GREB1: variants seen among roughly 807,000 people sequenced by gnomAD.
GREB1 encodes protein GREB1.
GREB1 carries 106 observed loss-of-function variants against 200.7 expected under a neutral mutation model. The ratio of observed to expected loss-of-function variants is 0.53; its 90% CI spans 0.45 to 0.62. The LOEUF (loss-of-function observed/expected upper bound fraction) is 0.62. Ranked by LOEUF, GREB1 falls within the 20% of genes least tolerant of loss-of-function variation. The pLI is 0.00. For missense variants in GREB1, 2,243 were observed against 2,556.8 expected, an observed-to-expected ratio of 0.88 and a Z score of 2.65; for synonymous variants, 1,132 against 1,092.4, an observed-to-expected ratio of 1.04 and a Z score of -0.72.
chr2:11,570,727 G>T (rs898732737), intron 4 of GREB1, among the ~76,000 whole-genome samples: 2 of 152,096 alleles, frequency 1.3e-5, no homozygotes, highest in African/African-American at 4.8e-5. Context: ...GTTTTAGGAA[G>T]ATCTCTTAGA....
chr2:11,494,249 C>T (rs1452013604), intron 1 of GREB1, among the ~76,000 whole-genome samples: 3 of 152,212 alleles, frequency 2.0e-5, no homozygotes, highest in Non-Finnish European at 2.9e-5. Context: ...ACACTGAAGC[C>T]GTCTTCCCTG....
chr2:11,611,919 C>T (rs1303915157), intron 18 of GREB1, among the ~76,000 whole-genome samples: 1 of 152,100 alleles, frequency 6.6e-6, no homozygotes, highest in Non-Finnish European at 1.5e-5. Context: ...GCTGGTTGGG[C>T]GCGGTGGCTT....
intron 1 of GREB1, among the ~76,000 whole-genome samples, chr2:11,537,754 A>G (rs937948790): frequency 6.8e-6 from 1 of 147,894 alleles, no homozygotes; most frequent in Admixed American, 6.8e-5. Context: ...TATAAATTTT[A>G]TATATTTATA....
At position 11,493,567 on chromosome 2, in the gene GREB1, G is replaced by A. The variant is rs1050481904; in HGVS notation, c.-159+11186G>A. ...TGTGGCCTGCTTCCTAACAGGCCATGGACCAGTACCAGTCTGTGGCCCGGG... is the reference window on the plus strand; with the variant it reads ...TGTGGCCTGCTTCCTAACAGGCCATAGACCAGTACCAGTCTGTGGCCCGGG... On this transcript the variant is annotated intron_variant, in intron 1 of 2. Coordinates refer to the GREB1 transcript ENST00000628795. The surrounding 1 kb of genome is among the most constrained non-coding windows in gnomAD (Gnocchi z 4.6). Among the ~76,000 whole-genome samples, 4 of 152,174 alleles carry A rather than the reference G, an allele frequency of 2.6e-5. No individual in the cohort carries two copies. Among genetic ancestry groups the A allele is most frequent in the Admixed American group, 1.3e-4 (2 of 15,286 alleles).
chr2:11,511,437 G>C (rs1411008686), intron 1 of GREB1, among the ~76,000 whole-genome samples: 1 of 152,160 alleles, frequency 6.6e-6, no homozygotes, highest in Non-Finnish European at 1.5e-5. Flanking sequence ...ATTCTAGGTG[G>C]GGTAAACTTT....
Position 11,576,404 on chromosome 2 carries a change from C to T in GREB1, c.506C>T (p.Thr169Met), listed in dbSNP as rs201192213. 3.3e-5 allele frequency: 54 copies of T among 1,613,782 alleles called. No homozygotes were observed. The highest frequency in any genetic ancestry group is 2.2e-5 in the East Asian group (1 of 44,894). Residue 169 changes from threonine (T) to methionine (M), a missense_variant, in exon 5 of 33, where the codon ACG (threonine) becomes ATG (methionine). Coordinates refer to ENST00000381486, the MANE Select transcript of GREB1 (RefSeq NM_014668.4). Reference sequence around the variant, plus strand: ...GGAAAGAAAGGCTTCTGTTACTTCACGGAATTCTCCAATCATATAAATCTG... The same window carrying T: ...GGAAAGAAAGGCTTCTGTTACTTCATGGAATTCTCCAATCATATAAATCTG... ...GCGKKGFCYF[T>M]EFSNHINLKL...
At position 11,599,636 on chromosome 2, in the gene GREB1, T is replaced by C. The variant is rs565528856; in HGVS notation, c.2333+776T>C. On this transcript the variant is annotated intron_variant, in intron 15 of 32. Coordinates refer to ENST00000381486, the MANE Select transcript of GREB1 (RefSeq NM_014668.4). ...CCCGGGTTCACACCATTCTCCTGCC[T>C]CAGCCTCCTGAGTAGCTGGGACTAC... Among the ~76,000 whole-genome samples, 9 of 151,118 alleles carry C rather than the reference T, an allele frequency of 6.0e-5. No homozygotes were observed. In the East Asian group the frequency reaches 1.8e-3, roughly 30 times the overall value.
intron 1 of GREB1, among the ~76,000 whole-genome samples, chr2:11,508,668 A>T (rs1441439184): frequency 6.6e-6 from 1 of 152,184 alleles, no homozygotes; most frequent in Non-Finnish European, 1.5e-5. Context: ...TAAAACAAAC[A>T]TCCTTTTAAA....
At chr2:11,499,628 C>A (rs186001452) in intron 1 of GREB1, among the ~76,000 whole-genome samples, 1 of 152,218 alleles carries the variant, frequency 6.6e-6, no homozygotes, top group Non-Finnish European at 1.5e-5. Flanking sequence ...AAATCACTTT[C>A]TTTACATCTC....
chr2:11,576,453 G>A lies in GREB1; in HGVS notation c.555G>A (p.Lys185=). The A allele has an allele frequency of 6.2e-7, 1 of 1,614,012 alleles. No homozygotes were observed. Among genetic ancestry groups the A allele is most frequent in the African/African-American group, 1.3e-5 (1 of 75,060 alleles). ...INLKLTTQPK[K]QKHLKYYLVR... The stretch of plus-strand genomic sequence containing the variant: ...TGAAACTGACCACTCAACCCAAGAA[G>A]CAGAAACACTTGAAGTATTACCTGG... The change falls in exon 5 of 33, where the codon AAG becomes AAA. Residue 185 remains lysine (K), a synonymous_variant. Coordinates refer to ENST00000381486, the MANE Select transcript of GREB1 (RefSeq NM_014668.4).
chr2:11,593,886 G>A (rs923231499), intron 11 of GREB1, among the ~76,000 whole-genome samples: 2 of 152,198 alleles, frequency 1.3e-5, no homozygotes, highest in African/African-American at 4.8e-5. Context: ...TCTTTTAGGT[G>A]GGGGAGGCAG....
Position 11,633,526 on chromosome 2 carries a change from T to C in GREB1, c.4991+463T>C, listed in dbSNP as rs942221440. Among the ~76,000 whole-genome samples, 4 of 148,684 alleles carry C rather than the reference T, an allele frequency of 2.7e-5. No individual in the cohort carries two copies. The highest frequency in any genetic ancestry group is 6.7e-5 in the Admixed American group (1 of 14,838). ...TTGTAGTAAGTGGAGATGGCGCCAC[T>C]GCACTCCAGCCTGGCAGACAGAGCG... On this transcript the variant is annotated intron_variant, in intron 28 of 32. Transcript: ENST00000381486. The surrounding 1 kb of genome is among the most constrained non-coding windows in gnomAD (Gnocchi z 4.1).
chr2:11,488,526 C>A (rs186770500), intron 1 of GREB1, among the ~76,000 whole-genome samples: 1 of 152,134 alleles, frequency 6.6e-6, no homozygotes, highest in East Asian at 1.9e-4. Context: ...TGCAGTGGCT[C>A]ATGCCTGTAA....
chr2:11,531,658 CATCTCGGGTTCA>C (rs1674079296), upstream of GREB1, among the ~76,000 whole-genome samples: 1 of 152,136 alleles, frequency 6.6e-6, no homozygotes, highest in Non-Finnish European at 1.5e-5. Context: ...GCAACCTTGG[CATCTCGGGTTCA>C]AGCGATTCTC....
intron 23 of GREB1, among the ~76,000 whole-genome samples, chr2:11,624,405 C>A (rs891603412): frequency 2.8e-5 from 4 of 140,502 alleles, no homozygotes; most frequent in Non-Finnish European, 6.0e-5. Context: ...AGTGCAATGG[C>A]GAGATCTCAG....
chr2:11,590,792 C>A (rs920024397), intron 10 of GREB1, among the ~76,000 whole-genome samples: 1 of 152,086 alleles, frequency 6.6e-6, no homozygotes, highest in Admixed American at 6.6e-5. Flanking sequence ...AGTCTGCCAA[C>A]CTATATTGAG....
In GREB1 at chr2:11,627,788, G is replaced by C. The variant is rs1052260140; in HGVS notation, c.4449+684G>C. 4.6e-5 allele frequency among the ~76,000 whole-genome samples: 7 copies of C among 152,256 alleles called. 1 individual carries two copies. The South Asian group carries it at 1.0e-3, about 23-fold the overall frequency. ...ACCCAAGGTGTGCTGGATGGGAGCT[G>C]TCCTATCTAGTGTCCTATTTACTTC... On this transcript the variant is annotated intron_variant, in intron 25 of 32. Coordinates refer to ENST00000381486, the MANE Select transcript of GREB1 (RefSeq NM_014668.4).
At position 11,566,526 on chromosome 2, in the gene GREB1, C is replaced by T. The variant is rs144606841; in HGVS notation, c.324C>T (p.Asn108=). Residue 108 remains asparagine, a synonymous_variant, in exon 4 of 33, where the codon AAC becomes AAT. Coordinates refer to ENST00000381486, the MANE Select transcript of GREB1 (RefSeq NM_014668.4). The stretch of plus-strand genomic sequence containing the variant: ...ACCTGCGCCTTGTCTCCATTTCCAA[C>T]GAGCCCATGGATGTCCCTGCGGGCT... ...GKDLRLVSIS[N]EPMDVPAGFL... The T allele has an allele frequency of 3.7e-6, 6 of 1,613,820 alleles. No homozygotes were observed. Among genetic ancestry groups the T allele is most frequent in the Non-Finnish European group, 4.2e-6 (5 of 1,179,854 alleles).
intron 17 of GREB1, among the ~76,000 whole-genome samples, chr2:11,609,255 T>TTTATTTAC (rs1682698848): frequency 6.8e-6 from 1 of 146,072 alleles, no homozygotes; most frequent in African/African-American, 2.6e-5. Flanking sequence ...TATTTATTTA[T>TTTATTTAC]TTATTTATTT....
Sources: gnomAD v4.1 joint callset for allele counts (sites outside exome capture counted in the v4.1 genomes callset) on GRCh38, gnomAD v4.1.1 for gene constraint, Gnocchi (gnomAD v3.1) non-coding constraint, MANE v1.5 for transcripts, NCBI Gene and HGNC (gene_info 2026-07-23, HGNC 2026-07-21) for gene names.